TMPRSS11F: variants seen among roughly 807,000 people sequenced by gnomAD.
The protein encoded by TMPRSS11F is transmembrane protease serine 11F.
TMPRSS11F carries 47 observed loss-of-function variants against 60.2 expected under a neutral mutation model. That is an observed-to-expected ratio of 0.78 (90% confidence interval 0.62 to 1.00). The LOEUF (loss-of-function observed/expected upper bound fraction) is 1.00. Ranked by LOEUF, TMPRSS11F falls within the 50% of genes least tolerant of loss-of-function variation. TMPRSS11F has a pLI of 0.00. For synonymous variants in TMPRSS11F, 166 were observed against 167.3 expected, an observed-to-expected ratio of 0.99 and a Z score of 0.06; for missense variants, 519 against 522.9, an observed-to-expected ratio of 0.99 and a Z score of 0.07.
intron 2 of TMPRSS11F, among the ~76,000 whole-genome samples, chr4:68,092,657 T>G (rs1723967688): frequency 6.6e-6 from 1 of 152,124 alleles, no homozygotes; most frequent in Non-Finnish European, 1.5e-5. Flanking sequence ...CTTATTAAAT[T>G]TAATGAATTC....
intron 1 of TMPRSS11F, among the ~76,000 whole-genome samples, chr4:68,114,990 TAAAAAA>T (rs56946635): frequency 2.6e-5 from 3 of 114,400 alleles, no homozygotes; most frequent in East Asian, 5.1e-4. Flanking sequence ...ATTCATTATT[TAAAAAA>T]AAAAAAAAAA....
intron 1 of TMPRSS11F, among the ~76,000 whole-genome samples, chr4:68,108,983 A>G (rs1724356114): frequency 6.6e-6 from 1 of 152,184 alleles, no homozygotes; most frequent in South Asian, 2.1e-4. Flanking sequence ...GAACACTACC[A>G]TAATGTTGTC....
intron 8 of TMPRSS11F, 109 bp downstream of exon 8, chr4:68,064,576 G>C: frequency 7.7e-7 from 1 of 1,299,360 alleles, no homozygotes; most frequent in Non-Finnish European, 1.1e-6. Flanking sequence ...CACACATACT[G>C]GAAAGACCAT....
At chr4:68,098,259 C>T (rs768899125) in intron 2 of TMPRSS11F, among the ~76,000 whole-genome samples, 5 of 152,142 alleles carry the variant, frequency 3.3e-5, no homozygotes, top group African/African-American at 9.6e-5. Flanking sequence ...GAGCCGGGAT[C>T]GTGCGACTGC....
rs139272590 is a variant in TMPRSS11F at position 68,109,594 on chromosome 4, T to G, written c.12-10556A>C. On this transcript the variant is annotated intron_variant, in intron 1 of 9. Transcript: ENST00000356291. ...CTCAAAATTTGAAATAAAGAGCCAA[T>G]AGTTTATGTTGAATAAGTTTATATA... 8.9e-4 allele frequency among the ~76,000 whole-genome samples: 135 copies of G among 152,288 alleles called. 1 individual carries two copies. Among genetic ancestry groups the G allele is most frequent in the African/African-American group, 3.2e-3 (132 of 41,572 alleles).
chr4:68,103,421 G>A (rs115783356), intron 1 of TMPRSS11F, among the ~76,000 whole-genome samples: 5,386 of 144,926 alleles, frequency 0.037, 269 homozygotes, highest in African/African-American at 0.12. Context: ...ACTTCAGCTT[G>A]GGTGACAGAG....
intron 4 of TMPRSS11F, 144 bp downstream of exon 4, chr4:68,073,798 A>G: frequency 1.9e-6 from 1 of 523,730 alleles, no homozygotes; most frequent in Non-Finnish European, 3.4e-6. Flanking sequence ...TGATTGGGAA[A>G]TAAGTAGGAA....
chr4:68,076,865 C>T (rs1379649155), intron 3 of TMPRSS11F, among the ~76,000 whole-genome samples: 1 of 152,176 alleles, frequency 6.6e-6, no homozygotes, highest in Non-Finnish European at 1.5e-5. Flanking sequence ...GAAATAATAT[C>T]GTTGTCAATG....
chr4:68,103,201 A>G (rs1478438864), intron 1 of TMPRSS11F, among the ~76,000 whole-genome samples: 1 of 152,114 alleles, frequency 6.6e-6, no homozygotes, highest in Non-Finnish European at 1.5e-5. Flanking sequence ...AACACTTTGA[A>G]AGGCCAAAGT....
intron 7 of TMPRSS11F, among the ~76,000 whole-genome samples, chr4:68,065,549 T>A (rs2109837266): frequency 6.6e-6 from 1 of 152,276 alleles, no homozygotes; most frequent in African/African-American, 2.4e-5. Flanking sequence ...ATAGATGCTT[T>A]TCTCTCCCAT....
At chr4:68,067,583 A>C (rs1337953277) in intron 7 of TMPRSS11F, among the ~76,000 whole-genome samples, 1 of 152,278 alleles carries the variant, frequency 6.6e-6, no homozygotes, top group Non-Finnish European at 1.5e-5. Flanking sequence ...GTGAATATGA[A>C]AAAATTAGAA....
At position 68,090,571 on chromosome 4, in the gene TMPRSS11F, T is replaced by C. The variant is rs147514220; in HGVS notation, c.234A>G (p.Ile78Met). Residue 78 changes from isoleucine (I) to methionine (M), a missense_variant, in exon 3 of 10, where the codon ATA becomes ATG. Coordinates refer to ENST00000356291, the MANE Select transcript of TMPRSS11F (RefSeq NM_207407.2). Reference sequence around the variant, plus strand: ...TTTCTATAAACTCTCTTGAAGATCTTATGCCATAATTTTCTTTATATTTGA... The same window carrying C: ...TTTCTATAAACTCTCTTGAAGATCTCATGCCATAATTTTCTTTATATTTGA... ...TNIKYKENYGIRSSREFIERS... is the reference protein window; with the variant it reads ...TNIKYKENYGMRSSREFIERS... 2.3e-5 allele frequency: 37 copies of C among 1,601,642 alleles called. No individual in the cohort carries two copies. In the African/African-American group the frequency reaches 4.3e-4, roughly 19 times the overall value.
intron 8 of TMPRSS11F, chr4:68,061,860 A>T (rs567329593): frequency 2.3e-6 from 1 of 429,006 alleles, no homozygotes; most frequent in Admixed American, 2.7e-5. Flanking sequence ...GTCTCTTTGG[A>T]TCAGGCAAAA....
intron 1 of TMPRSS11F, among the ~76,000 whole-genome samples, chr4:68,104,317 G>A (rs1237645318): frequency 6.6e-6 from 1 of 152,070 alleles, no homozygotes; most frequent in African/African-American, 2.4e-5. Flanking sequence ...CCTTTATGAT[G>A]TGGTTTGGCT....
At chr4:68,056,868 C>A (rs1021195514) in intron 9 of TMPRSS11F, among the ~76,000 whole-genome samples, 2 of 151,964 alleles carry the variant, frequency 1.3e-5, no homozygotes, top group African/African-American at 4.8e-5. Flanking sequence ...GAATAGAAAG[C>A]CAGAAAAAAA....
chr4:68,095,895 CAAAAAA>C (rs56309846), intron 2 of TMPRSS11F, among the ~76,000 whole-genome samples: 7 of 83,556 alleles, frequency 8.4e-5, no homozygotes, highest in Non-Finnish European at 1.5e-4. Context: ...GATTCCATCT[CAAAAAA>C]AAAAAAAAAA....
intron 2 of TMPRSS11F, among the ~76,000 whole-genome samples, chr4:68,098,604 A>G (rs1724126199): frequency 6.6e-6 from 1 of 152,178 alleles, no homozygotes; most frequent in African/African-American, 2.4e-5. Flanking sequence ...TCAGCACATT[A>G]TGTAATTTGT....
chr4:68,083,688 G>C (rs1165170598), intron 3 of TMPRSS11F, among the ~76,000 whole-genome samples: 1 of 151,960 alleles, frequency 6.6e-6, no homozygotes, highest in African/African-American at 2.4e-5. Flanking sequence ...CCATTCAAAC[G>C]ACAGCAAATT....
rs112714784 is a variant in TMPRSS11F, at chr4:68,077,993, C to T, written c.283-3984G>A. The stretch of plus-strand genomic sequence containing the variant: ...GATGAGCACGTTGGGAGATGGAAGA[C>T]GGAAGCGGAGACAGGAGGCTGGGCT... On this transcript the variant is annotated intron_variant, in intron 3 of 9. Coordinates refer to ENST00000356291, the MANE Select transcript of TMPRSS11F (RefSeq NM_207407.2). 3.5e-3 allele frequency among the ~76,000 whole-genome samples: 527 copies of T among 152,194 alleles called. 6 individuals are homozygous for T. Among genetic ancestry groups the T allele is most frequent in the African/African-American group, 0.012 (501 of 41,532 alleles).
Sources: allele counts gnomAD v4.1 joint callset (sites outside exome capture counted in the v4.1 genomes callset), GRCh38; gene constraint gnomAD v4.1.1; transcripts MANE v1.5; gene names NCBI Gene and HGNC (gene_info 2026-07-23, HGNC 2026-07-21).